Variants in ITSN1 observed in about 807,000 individuals in gnomAD.
ITSN1 encodes the protein intersectin-1.
In ITSN1, 58 loss-of-function variants were observed where a neutral mutation model predicts 239.8. The ratio of observed to expected loss-of-function variants is 0.24; its 90% confidence interval spans 0.20 to 0.30. The LOEUF (loss-of-function observed/expected upper bound fraction) is 0.30. ITSN1 is among the 10% of genes least tolerant of loss of function. The probability of loss-of-function intolerance (pLI) is 1.00; values close to 1 mark genes in which losing one functional copy is unlikely to be tolerated. For missense variants in ITSN1, 1,558 were observed against 2,103.3 expected (o/e 0.74, Z 5.07); for synonymous variants, 780 against 770.8 (o/e 1.01, Z -0.20).
chr21:33,858,627 T>G, intron 30 of ITSN1, 59 bp from the exon 31 acceptor site: 48 of 1,062,928 alleles, frequency 4.5e-5, no homozygotes, highest in Non-Finnish European at 6.0e-5. Context: ...GATCGGCGTG[T>G]GAGTGTGTGA....
At chr21:33,790,013 G>A (rs552971304) in intron 16 of ITSN1, among the ~76,000 whole-genome samples, 54 of 152,150 alleles carry the variant, frequency 3.5e-4, no homozygotes, top group Non-Finnish European at 5.4e-4. Context: ...GTTGATTTTC[G>A]TTTATCTTAA....
chr21:33,852,631 G>C (rs150706202), intron 29 of ITSN1, among the ~76,000 whole-genome samples: 1 of 152,042 alleles, frequency 6.6e-6, no homozygotes, highest in Non-Finnish European at 1.5e-5. Flanking sequence ...GTCTAACTAG[G>C]CAACATCTAA....
chr21:33,726,756 A>C (rs1199763404), intron 4 of ITSN1, among the ~76,000 whole-genome samples: 1 of 152,118 alleles, frequency 6.6e-6, no homozygotes, highest in Non-Finnish European at 1.5e-5. Flanking sequence ...TCCTAGATTC[A>C]AGCCGTCTGC....
intron 5 of ITSN1, among the ~76,000 whole-genome samples, chr21:33,746,073 A>G (rs1284378086): frequency 6.6e-6 from 1 of 152,218 alleles, no homozygotes; most frequent in African/African-American, 2.4e-5. Context: ...ACAAAGATGC[A>G]GGTGCAATCC....
intron 1 of ITSN1, among the ~76,000 whole-genome samples, chr21:33,660,547 G>A (rs2089472340): frequency 6.6e-6 from 1 of 152,156 alleles, no homozygotes; most frequent in Non-Finnish European, 1.5e-5. Flanking sequence ...TCTCTTTCAT[G>A]CCTCACTGAA....
intron 22 of ITSN1, among the ~76,000 whole-genome samples, chr21:33,814,658 G>A (rs964366358): frequency 1.1e-4 from 16 of 152,196 alleles, no homozygotes; most frequent in Non-Finnish European, 1.8e-4. Flanking sequence ...GCCCATCTGG[G>A]AGGCACTGGA....
intron 1 of ITSN1, among the ~76,000 whole-genome samples, chr21:33,650,919 A>G (rs2088462825): frequency 6.6e-6 from 1 of 152,238 alleles, no homozygotes; most frequent in African/African-American, 2.4e-5. Flanking sequence ...AGACCCCTTC[A>G]GATACAGTTA....
chr21:33,756,256 C>G (rs1312143997), intron 8 of ITSN1, among the ~76,000 whole-genome samples: 2 of 147,788 alleles, frequency 1.4e-5, no homozygotes, highest in East Asian at 4.0e-4. Flanking sequence ...CCACTGCACT[C>G]CATCCTGGGC....
intron 16 of ITSN1, among the ~76,000 whole-genome samples, chr21:33,791,087 C>T (rs1442837690): frequency 6.6e-6 from 1 of 152,106 alleles, no homozygotes; most frequent in African/African-American, 2.4e-5. Context: ...ATTGCCTTCT[C>T]GGAAGTTCAA....
At chr21:33,651,267 T>C (rs1278644675) in intron 1 of ITSN1, among the ~76,000 whole-genome samples, 1 of 152,240 alleles carries the variant, frequency 6.6e-6, no homozygotes, top group Non-Finnish European at 1.5e-5. Context: ...AGGAAGTTAA[T>C]GTAAGTTTTA....
chr21:33,665,377 A>G (rs752017247), intron 1 of ITSN1, among the ~76,000 whole-genome samples: 1 of 152,232 alleles, frequency 6.6e-6, no homozygotes, highest in Non-Finnish European at 1.5e-5. Flanking sequence ...GTACATGAAC[A>G]GATAGATGCT....
At chr21:33,770,513 A>G (rs1331582415) in intron 11 of ITSN1, among the ~76,000 whole-genome samples, 1 of 152,182 alleles carries the variant, frequency 6.6e-6, no homozygotes, top group African/African-American at 2.4e-5. Context: ...TGCAGCCACA[A>G]CCTCTCTTGT....
intron 31 of ITSN1, among the ~76,000 whole-genome samples, chr21:33,859,797 G>A (rs563516962): frequency 1.6e-4 from 24 of 152,314 alleles, no homozygotes; most frequent in African/African-American, 5.1e-4. Context: ...AATGTCTGCT[G>A]GCTTGGTGCT....
chr21:33,709,082 C>T (rs539086412), intron 1 of ITSN1, among the ~76,000 whole-genome samples: 1 of 152,098 alleles, frequency 6.6e-6, no homozygotes, highest in African/African-American at 2.4e-5. Flanking sequence ...CAGGGTAAAT[C>T]TTTCAACTTT....
chr21:33,778,124 C>T (rs2069800815), intron 14 of ITSN1, among the ~76,000 whole-genome samples: 1 of 152,114 alleles, frequency 6.6e-6, no homozygotes, highest in Admixed American at 6.5e-5. Context: ...TGGGATAAAC[C>T]ACTCTTGGTC....
rs975194216 is a variant in ITSN1 at position 33,844,791 on chromosome 21, G to A, written c.3661+8159G>A. On this transcript the variant is annotated intron_variant, in intron 29 of 39. Coordinates refer to ENST00000381318, the MANE Select transcript of ITSN1 (RefSeq NM_003024.3). ...TGGAGTGTTACCTTGGAGTCCTGAG[G>A]CCCCGTGACAAGACCCCACACGGCC... Among the ~76,000 whole-genome samples the A allele has an allele frequency of 2.0e-5, 3 of 152,190 alleles. No individual in the cohort carries two copies. In the East Asian group the frequency reaches 5.8e-4, roughly 30 times the overall value.
At chr21:33,848,704 C>G (rs947180781) in intron 29 of ITSN1, among the ~76,000 whole-genome samples, 2 of 152,218 alleles carry the variant, frequency 1.3e-5, no homozygotes, top group African/African-American at 4.8e-5. Flanking sequence ...GGCGTTCCAC[C>G]TGAACGCCCA....
chr21:33,675,058 C>T (rs2090510825), intron 1 of ITSN1, among the ~76,000 whole-genome samples: 1 of 152,110 alleles, frequency 6.6e-6, no homozygotes, highest in Non-Finnish European at 1.5e-5. Context: ...TGAATATATC[C>T]ATTTATGTGA....
At chr21:33,732,257 G>C (rs1292907849) in intron 4 of ITSN1, among the ~76,000 whole-genome samples, 2 of 152,164 alleles carry the variant, frequency 1.3e-5, no homozygotes, top group Non-Finnish European at 2.9e-5. Flanking sequence ...TCCTTTATCA[G>C]TCTTAAGGCC....
Sources: allele counts gnomAD v4.1 joint callset (sites outside exome capture counted in the v4.1 genomes callset), GRCh38; gene constraint gnomAD v4.1.1; transcripts MANE v1.5; gene names NCBI Gene and HGNC (gene_info 2026-07-23, HGNC 2026-07-21).